Variants in MAGI1 observed in about 807,000 individuals in gnomAD.
MAGI1 encodes the protein membrane associated guanylate kinase, WW and PDZ domain containing 1.
In MAGI1, 58 loss-of-function variants were observed where a neutral mutation model predicts 139.9. That is an observed-to-expected ratio of 0.41 (90% CI 0.34 to 0.52). MAGI1 has a LOEUF of 0.52. MAGI1 is among the 20% of genes least tolerant of loss of function. MAGI1 has a pLI of 0.12. For synonymous variants in MAGI1, 812 were observed against 737.9 expected (o/e 1.10, Z -1.63); for missense variants, 1,874 against 1,901.6 (o/e 0.99, Z 0.27).
At chr3:65,800,201 C>T (rs939129969) in intron 1 of MAGI1, among the ~76,000 whole-genome samples, 5 of 152,140 alleles carry the variant, frequency 3.3e-5, no homozygotes, top group African/African-American at 4.8e-5. Flanking sequence ...ATGCCTGGCA[C>T]GTGGCAAGCC....
At chr3:65,411,345 A>G (rs1009425723) in intron 12 of MAGI1, among the ~76,000 whole-genome samples, 4 of 152,156 alleles carry the variant, frequency 2.6e-5, no homozygotes, top group Non-Finnish European at 4.4e-5. Flanking sequence ...TTTTTATGCA[A>G]ATACTTAAGG....
chr3:65,544,567 A>C (rs1488886785), intron 2 of MAGI1, among the ~76,000 whole-genome samples: 1 of 152,226 alleles, frequency 6.6e-6, no homozygotes, highest in African/African-American at 2.4e-5. Context: ...GAAAGAAGGA[A>C]GCAATGCTAC....
At chr3:65,922,482 T>C (rs894826998) in intron 1 of MAGI1, among the ~76,000 whole-genome samples, 2 of 151,906 alleles carry the variant, frequency 1.3e-5, no homozygotes, top group Non-Finnish European at 2.9e-5. Context: ...AAAACTGGAA[T>C]GACACAGATA....
At chr3:65,414,398 G>A (rs1480231006) in intron 12 of MAGI1, among the ~76,000 whole-genome samples, 2 of 152,186 alleles carry the variant, frequency 1.3e-5, no homozygotes, top group Admixed American at 6.5e-5. Flanking sequence ...TAAGAGTGAC[G>A]AATATAACCC....
intron 1 of MAGI1, among the ~76,000 whole-genome samples, chr3:65,908,676 C>T (rs935202730): frequency 6.6e-6 from 1 of 152,214 alleles, no homozygotes; most frequent in East Asian, 1.9e-4. Context: ...TTGCAAAAAT[C>T]AGCTACGTAA....
chr3:65,701,395 A>G (rs565567931), intron 1 of MAGI1, among the ~76,000 whole-genome samples: 131 of 152,212 alleles, frequency 8.6e-4, no homozygotes, highest in African/African-American at 2.8e-3. Flanking sequence ...TAGGATTACA[A>G]GCATGCACCA....
chr3:65,610,248 G>C (rs1311060597), intron 2 of MAGI1, among the ~76,000 whole-genome samples: 2 of 151,842 alleles, frequency 1.3e-5, no homozygotes, highest in South Asian at 2.1e-4. Context: ...CCTTTCAATA[G>C]CTCGCCTCTG....
chr3:65,478,558 A>G (rs746833039), intron 4 of MAGI1, 34 bp downstream of exon 4: 61 of 1,588,642 alleles, frequency 3.8e-5, no homozygotes. Flanking sequence ...TCCCTTCCCC[A>G]GGTCCATTGA....
chr3:65,746,215 T>C (rs1040282226), intron 1 of MAGI1, among the ~76,000 whole-genome samples: 2 of 152,034 alleles, frequency 1.3e-5, no homozygotes, highest in East Asian at 1.9e-4. Context: ...TTTGTATTTT[T>C]AGTAGAGACA....
intron 1 of MAGI1, among the ~76,000 whole-genome samples, chr3:66,034,530 A>G (rs1182876455): frequency 6.6e-6 from 1 of 152,234 alleles, no homozygotes; most frequent in Non-Finnish European, 1.5e-5. Context: ...ATCCTGTATC[A>G]AAGTTTCCTT....
At position 65,381,821 on chromosome 3, in the gene MAGI1, C is replaced by A. The variant is rs985927563; in HGVS notation, c.2701+56G>T. ...AAGGAGGCAGACACAGGAAGGAGGCCTTTTCTGTGAATAAAGTGACAACGC... is the reference window on the plus strand; with the variant it reads ...AAGGAGGCAGACACAGGAAGGAGGCATTTTCTGTGAATAAAGTGACAACGC... On this transcript the variant is annotated intron_variant, in intron 16 of 22. Transcript: ENST00000402939. The A allele has an allele frequency of 2.7e-6, 4 of 1,485,444 alleles. No homozygotes were observed. In the African/African-American group the frequency reaches 4.2e-5, roughly 16 times the overall value. 92.0% of individuals were successfully genotyped at this position (1,485,444 alleles called of 1,614,324 possible).
chr3:65,836,096 T>A (rs542419914), intron 1 of MAGI1, among the ~76,000 whole-genome samples: 10 of 152,282 alleles, frequency 6.6e-5, no homozygotes, highest in African/African-American at 1.9e-4. Context: ...TGCTGTGCTG[T>A]CATCTACCAA....
At chr3:65,869,167 A>G (rs918847154) in intron 1 of MAGI1, among the ~76,000 whole-genome samples, 2 of 149,912 alleles carry the variant, frequency 1.3e-5, no homozygotes, top group African/African-American at 2.5e-5. Flanking sequence ...GAGGCAGGAG[A>G]ATGGCGTGAA....
chr3:65,688,799 G>C (rs542701090), intron 1 of MAGI1, among the ~76,000 whole-genome samples: 62 of 152,194 alleles, frequency 4.1e-4, no homozygotes, highest in African/African-American at 1.5e-3. Flanking sequence ...CTAATACTTA[G>C]CAGGATGAAT....
At chr3:65,441,364 T>C (rs1383100644) in intron 8 of MAGI1, among the ~76,000 whole-genome samples, 6 of 152,210 alleles carry the variant, frequency 3.9e-5, no homozygotes, top group Non-Finnish European at 2.9e-5. Context: ...TTTATTTTTT[T>C]AAGCAGGTTT....
intron 2 of MAGI1, among the ~76,000 whole-genome samples, chr3:65,599,743 A>G (rs2082392244): frequency 6.6e-6 from 1 of 152,206 alleles, no homozygotes; most frequent in Non-Finnish European, 1.5e-5. Context: ...TTCATCTTCT[A>G]CTACTGAGGG....
chr3:65,356,192 A>T lies in MAGI1; in HGVS notation c.*186T>A, dbSNP rs1460662283. The T allele has an allele frequency of 9.5e-6, 5 of 525,232 alleles. No homozygotes were observed. Among genetic ancestry groups the T allele is most frequent in the Non-Finnish European group, 1.6e-5 (5 of 320,462 alleles). 32.5% of individuals were successfully genotyped at this position (525,232 alleles called of 1,614,324 possible). Reference sequence around the variant, plus strand: ...AAAAATACTTTCTTTAATATGATACATCAGGCACAATACTTTTCATATATA... The same window carrying T: ...AAAAATACTTTCTTTAATATGATACTTCAGGCACAATACTTTTCATATATA... On this transcript the variant is annotated 3_prime_UTR_variant, in exon 23 of 23. Transcript: ENST00000402939.
intron 2 of MAGI1, among the ~76,000 whole-genome samples, chr3:65,505,838 TA>T (rs761473365): frequency 6.6e-5 from 10 of 152,000 alleles, no homozygotes; most frequent in Non-Finnish European, 1.3e-4. Flanking sequence ...ATAAAGTTGT[TA>T]AAAAAACTCT....
At chr3:65,845,931 T>G (rs1239715404) in intron 1 of MAGI1, among the ~76,000 whole-genome samples, 2 of 152,232 alleles carry the variant, frequency 1.3e-5, no homozygotes, top group Non-Finnish European at 2.9e-5. Flanking sequence ...ATCAGATTCT[T>G]TTGTCCTTTT....
Sources: gnomAD v4.1 joint callset for allele counts (sites outside exome capture counted in the v4.1 genomes callset) on GRCh38, gnomAD v4.1.1 for gene constraint, MANE v1.5 for transcripts, NCBI Gene and HGNC (gene_info 2026-07-23, HGNC 2026-07-21) for gene names.